Variants in ARHGAP25 observed in about 807,000 individuals in gnomAD.
The protein encoded by ARHGAP25 is rho GTPase-activating protein 25.
Under a neutral mutation model 71.0 loss-of-function variants are expected in ARHGAP25, and 34 were observed. The ratio of observed to expected loss-of-function variants is 0.48; its 90% CI spans 0.36 to 0.64. ARHGAP25 has a LOEUF of 0.64. Among genes scored for constraint, ARHGAP25 ranks in the 30% least tolerant of loss-of-function variants. The probability of loss-of-function intolerance (pLI) is 0.00; values close to 1 mark genes in which losing one functional copy is unlikely to be tolerated. For missense variants in ARHGAP25, 706 were observed against 805.1 expected, an observed-to-expected ratio of 0.88 and a Z score of 1.49; for synonymous variants, 282 against 296.5, an observed-to-expected ratio of 0.95 and a Z score of 0.50.
intron 4 of ARHGAP25, among the ~76,000 whole-genome samples, chr2:68,805,963 G>A (rs1255328386): frequency 6.6e-6 from 1 of 152,208 alleles, no homozygotes; most frequent in African/African-American, 2.4e-5. Flanking sequence ...AGAATGGATA[G>A]GCAGTGGTTG....
chr2:68,800,703 T>A (rs1342720032), intron 4 of ARHGAP25, among the ~76,000 whole-genome samples: 1 of 152,182 alleles, frequency 6.6e-6, no homozygotes, highest in African/African-American at 2.4e-5. Context: ...AATTCCTGAC[T>A]CAAATCTCAG....
At chr2:68,757,354 G>A (rs964189831) in intron 1 of ARHGAP25, among the ~76,000 whole-genome samples, 2 of 152,188 alleles carry the variant, frequency 1.3e-5, no homozygotes, top group South Asian at 2.1e-4. Context: ...GACCCACATC[G>A]AGATACACTA....
intron 2 of ARHGAP25, among the ~76,000 whole-genome samples, chr2:68,777,163 C>T (rs77081098): frequency 0.037 from 5,684 of 152,212 alleles, 141 homozygotes; most frequent in Admixed American, 0.071. Context: ...TATGTTAAGA[C>T]GATGGAGGAA....
At chr2:68,732,016 G>A (rs1280786482), upstream of ARHGAP25, among the ~76,000 whole-genome samples, 1 of 152,160 alleles carries the variant, frequency 6.6e-6, no homozygotes, top group African/African-American at 2.4e-5. Context: ...TAATAAATCC[G>A]CTTATCATTC....
intron 1 of ARHGAP25, among the ~76,000 whole-genome samples, chr2:68,736,853 C>T (rs1028723664): frequency 1.3e-5 from 2 of 152,110 alleles, no homozygotes; most frequent in South Asian, 2.1e-4. Context: ...AAGCACCCCC[C>T]ACTTTCATCC....
intron 9 of ARHGAP25, among the ~76,000 whole-genome samples, chr2:68,820,354 T>C (rs919777842): frequency 1.3e-5 from 2 of 152,142 alleles, no homozygotes; most frequent in African/African-American, 4.8e-5. Flanking sequence ...ATTCGTATTG[T>C]GTTATTGAGG....
chr2:68,763,405 G>A (rs1023337313), intron 1 of ARHGAP25, among the ~76,000 whole-genome samples: 2 of 152,250 alleles, frequency 1.3e-5, no homozygotes, highest in African/African-American at 2.4e-5. Flanking sequence ...TCCTAAAAAT[G>A]TTTAATTCTT....
intron 1 of ARHGAP25, among the ~76,000 whole-genome samples, chr2:68,766,945 G>A (rs72895978): frequency 0.033 from 5,049 of 152,090 alleles, 291 homozygotes; most frequent in African/African-American, 0.11. Context: ...TTTCCTTTAG[G>A]TTGACATAGT....
chr2:68,760,041 A>T (rs749665329), intron 1 of ARHGAP25, among the ~76,000 whole-genome samples: 2 of 152,096 alleles, frequency 1.3e-5, no homozygotes. Context: ...ACGTAGAAGA[A>T]TCAGTCAATT....
intron 1 of ARHGAP25, among the ~76,000 whole-genome samples, chr2:68,738,517 C>G (rs1290195932): frequency 2.0e-5 from 3 of 152,104 alleles, no homozygotes; most frequent in Admixed American, 6.5e-5. Context: ...ATATGCTAAC[C>G]AGACCAGCCT....
chr2:68,800,869 ATATAT>A (rs1558646990), intron 4 of ARHGAP25, among the ~76,000 whole-genome samples: 1 of 152,088 alleles, frequency 6.6e-6, no homozygotes, highest in African/African-American at 2.4e-5. Flanking sequence ...ATCATATTAC[ATATAT>A]TATAATTACA....
intron 2 of ARHGAP25, among the ~76,000 whole-genome samples, chr2:68,722,961 G>T (rs1674798522): frequency 6.6e-6 from 1 of 152,184 alleles, no homozygotes; most frequent in Admixed American, 6.5e-5. Flanking sequence ...AAACACGTGG[G>T]CCTGTGCTCC....
At chr2:68,721,162 A>G (rs1447163935) in intron 2 of ARHGAP25, among the ~76,000 whole-genome samples, 1 of 152,178 alleles carries the variant, frequency 6.6e-6, no homozygotes, top group Non-Finnish European at 1.5e-5. Context: ...GGCTACCTCA[A>G]ATTTTCTGAA....
intron 3 of ARHGAP25, among the ~76,000 whole-genome samples, chr2:68,783,716 G>C (rs1217574068): frequency 6.6e-6 from 1 of 152,166 alleles, no homozygotes. Context: ...ACCTGCCTCA[G>C]CTTCCTGAAG....
intron 1 of ARHGAP25, among the ~76,000 whole-genome samples, chr2:68,741,805 A>G (rs762956517): frequency 6.6e-6 from 1 of 152,232 alleles, no homozygotes; most frequent in Non-Finnish European, 1.5e-5. Context: ...TTAGTTCATA[A>G]AGTAAAACGC....
At chr2:68,796,760 G>A (rs1396705852) in intron 4 of ARHGAP25, among the ~76,000 whole-genome samples, 1 of 152,170 alleles carries the variant, frequency 6.6e-6, no homozygotes, top group Non-Finnish European at 1.5e-5. Context: ...GGCAGTTCCA[G>A]GCAAGTCGAT....
chr2:68,823,427 G>A (rs1681856044), intron 10 of ARHGAP25, among the ~76,000 whole-genome samples: 1 of 152,222 alleles, frequency 6.6e-6, no homozygotes, highest in South Asian at 2.1e-4. Context: ...GGGTTCCAAT[G>A]TAAAATAGGG....
intron 10 of ARHGAP25, among the ~76,000 whole-genome samples, chr2:68,824,484 T>C (rs149916125): frequency 2.2e-3 from 331 of 152,334 alleles, no homozygotes; most frequent in African/African-American, 7.7e-3. Flanking sequence ...GGCTCACGCT[T>C]GTAATCCCAG....
chr2:68,813,804 G>T (rs938003328), intron 6 of ARHGAP25, among the ~76,000 whole-genome samples: 1 of 152,296 alleles, frequency 6.6e-6, no homozygotes, highest in African/African-American at 2.4e-5. Context: ...AGTGTCAGGC[G>T]TGGTCATCCA....
Sources: gnomAD v4.1 joint callset for allele counts (sites outside exome capture counted in the v4.1 genomes callset) on GRCh38, gnomAD v4.1.1 for gene constraint, MANE v1.5 for transcripts, NCBI Gene and HGNC (gene_info 2026-07-23, HGNC 2026-07-21) for gene names.